Variants in LRP1B observed in about 807,000 individuals in gnomAD.
LRP1B encodes the protein LDL receptor related protein 1B.
A neutral mutation model predicts 556.6 loss-of-function variants in LRP1B; 217 were observed. That is an observed-to-expected ratio of 0.39 (90% CI 0.35 to 0.44). The LOEUF (loss-of-function observed/expected upper bound fraction) is 0.44. LRP1B is among the 20% of genes least tolerant of loss of function. The probability of loss-of-function intolerance (pLI) is 1.00; values close to 1 mark genes in which losing one functional copy is unlikely to be tolerated. For synonymous variants in LRP1B, 2,047 were observed against 1,865.8 expected (o/e 1.10, Z -2.50); for missense variants, 5,053 against 5,620.8 (o/e 0.90, Z 3.23).
chr2:141,198,655 C>T (rs950293383), intron 6 of LRP1B, among the ~76,000 whole-genome samples: 9 of 152,006 alleles, frequency 5.9e-5, no homozygotes, highest in Non-Finnish European at 1.3e-4. Flanking sequence ...ACTTTTACAC[C>T]ATTTCCCCAA....
intron 5 of LRP1B, 148 bp downstream of exon 5, chr2:141,247,078 T>C (rs1684094082): frequency 1.3e-6 from 1 of 796,648 alleles, no homozygotes; most frequent in Non-Finnish European, 2.0e-6. Flanking sequence ...TGCTCTGGAT[T>C]CCTAACTATA....
chr2:140,766,846 AT>A (rs1559106408), intron 35 of LRP1B, among the ~76,000 whole-genome samples: 25 of 103,014 alleles, frequency 2.4e-4, no homozygotes, highest in African/African-American at 9.4e-4. Context: ...TATATATATT[AT>A]ATATATATAT....
At chr2:141,939,313 T>C (rs1345145565) in intron 1 of LRP1B, among the ~76,000 whole-genome samples, 2 of 152,040 alleles carry the variant, frequency 1.3e-5, no homozygotes, top group African/African-American at 2.4e-5. Context: ...GGCATAAATA[T>C]GTAATAATTA....
chr2:140,495,602 T>C lies in LRP1B; in HGVS notation c.8997A>G (p.Ile2999Met). 6.2e-7 allele frequency: 1 copy of C among 1,602,920 alleles called. No homozygotes were observed. The highest frequency in any genetic ancestry group is 8.5e-7 in the Non-Finnish European group (1 of 1,171,474). Residue 2999 changes from isoleucine to methionine, a missense_variant, in exon 56 of 91, where the codon ATA (isoleucine) becomes ATG (methionine). This residue lies in a region of LRP1B where 3,619 missense variants were observed against 3,931.9 expected (regional missense o/e 0.92). Transcript: ENST00000389484. ...TGCAGCCATTTGGGTTATCAGGTTG[T>C]ATTTCATACCCATCTGTACAGAGGC... ...YKCLCTDGYEIQPDNPNGCKS... is the reference protein window; with the variant it reads ...YKCLCTDGYEMQPDNPNGCKS...
intron 2 of LRP1B, among the ~76,000 whole-genome samples, chr2:141,765,625 A>G (rs1006417756): frequency 6.6e-6 from 1 of 152,238 alleles, no homozygotes; most frequent in Non-Finnish European, 1.5e-5. Flanking sequence ...AATAATGGAT[A>G]TATCTGACAT....
chr2:140,925,887 TGAG>T (rs1253690837), intron 20 of LRP1B, among the ~76,000 whole-genome samples: 1 of 151,958 alleles, frequency 6.6e-6, no homozygotes, highest in Non-Finnish European at 1.5e-5. Flanking sequence ...GCAGAATCTT[TGAG>T]GAGAGAGAGT....
chr2:140,246,441 G>C (rs944533074), intron 87 of LRP1B, among the ~76,000 whole-genome samples: 2 of 151,074 alleles, frequency 1.3e-5, no homozygotes, highest in Admixed American at 1.3e-4. Flanking sequence ...ATTTCAGGTT[G>C]TCAGAAACTG....
chr2:140,973,352 G>T (rs899297766), intron 18 of LRP1B, among the ~76,000 whole-genome samples: 2 of 151,902 alleles, frequency 1.3e-5, no homozygotes, highest in African/African-American at 4.8e-5. Flanking sequence ...AAAACTAGAA[G>T]ACATCAGTAC....
At chr2:141,288,239 A>C (rs1194996182) in intron 3 of LRP1B, among the ~76,000 whole-genome samples, 1 of 15,556 alleles carries the variant, frequency 6.4e-5, no homozygotes, top group East Asian at 6.9e-4. Flanking sequence ...GAATAATAAC[A>C]AAAAAAAAAA....
At chr2:141,535,952 C>G (rs573542014) in intron 2 of LRP1B, among the ~76,000 whole-genome samples, 2 of 152,246 alleles carry the variant, frequency 1.3e-5, no homozygotes, top group South Asian at 2.1e-4. Context: ...AAGTTTATAT[C>G]TCTTACTTAT....
intron 86 of LRP1B, among the ~76,000 whole-genome samples, chr2:140,259,197 T>G (rs564223087): frequency 1.3e-5 from 2 of 152,122 alleles, no homozygotes; most frequent in Non-Finnish European, 2.9e-5. Context: ...TTTCCTTAAA[T>G]AGACTCAGAG....
At chr2:141,449,686 A>G (rs1681339219) in intron 3 of LRP1B, among the ~76,000 whole-genome samples, 1 of 152,240 alleles carries the variant, frequency 6.6e-6, no homozygotes, top group Non-Finnish European at 1.5e-5. Context: ...TCACATACAT[A>G]GAATCATTTT....
chr2:140,837,806 G>T (rs1428733512), intron 31 of LRP1B, among the ~76,000 whole-genome samples: 2 of 147,860 alleles, frequency 1.4e-5, no homozygotes, highest in East Asian at 4.3e-4. Flanking sequence ...GGTGGGGGGA[G>T]GGGGGAAGGA....
At chr2:140,466,506 A>G (rs1420560276) in intron 60 of LRP1B, among the ~76,000 whole-genome samples, 5 of 152,154 alleles carry the variant, frequency 3.3e-5, no homozygotes, top group African/African-American at 1.2e-4. Context: ...AGAAACAGTT[A>G]TCCTTTAAAT....
At chr2:140,638,196 G>A (rs1684137189) in intron 41 of LRP1B, among the ~76,000 whole-genome samples, 1 of 152,150 alleles carries the variant, frequency 6.6e-6, no homozygotes, top group Non-Finnish European at 1.5e-5. Context: ...ATGTTCTAAT[G>A]TAGATATGAG....
At chr2:140,276,014 A>AAT (rs1345092324) in intron 84 of LRP1B, among the ~76,000 whole-genome samples, 1 of 151,968 alleles carries the variant, frequency 6.6e-6, no homozygotes, top group East Asian at 1.9e-4. Flanking sequence ...TGAAATTAAT[A>AAT]ATATAAATGA....
intron 6 of LRP1B, among the ~76,000 whole-genome samples, chr2:141,193,921 A>G (rs985532512): frequency 6.6e-6 from 1 of 152,080 alleles, no homozygotes; most frequent in African/African-American, 2.4e-5. Context: ...AATATTGCTT[A>G]GGTCCCCTTC....
intron 52 of LRP1B, among the ~76,000 whole-genome samples, 170 bp from the exon 53 acceptor site, chr2:140,507,088 A>G (rs1689450983): frequency 6.6e-6 from 1 of 152,204 alleles, no homozygotes; most frequent in Non-Finnish European, 1.5e-5. Context: ...TTGCATATGT[A>G]TTTATATTAG....
At chr2:141,171,945 G>T (rs1218083490) in intron 7 of LRP1B, among the ~76,000 whole-genome samples, 1 of 152,032 alleles carries the variant, frequency 6.6e-6, no homozygotes, top group South Asian at 2.1e-4. Flanking sequence ...GTCTCTTAAA[G>T]AAAATGGACC....
Sources: gnomAD v4.1 joint callset for allele counts (sites outside exome capture counted in the v4.1 genomes callset) on GRCh38, gnomAD v4.1.1 for gene constraint, gnomAD v4.1.1 regional missense constraint, MANE v1.5 for transcripts, NCBI Gene and HGNC (gene_info 2026-07-23, HGNC 2026-07-21) for gene names.